The following KSR2 variants were observed in gnomAD, a reference collection of about 807,000 sequenced individuals.
KSR2 encodes kinase suppressor of ras 2.
In KSR2, 25 loss-of-function variants were observed where a neutral mutation model predicts 107.8. The observed-to-expected ratio is 0.23, with a 90% CI of 0.17 to 0.32. The LOEUF is 0.32. Among genes scored for constraint, KSR2 ranks in the 10% least tolerant of loss-of-function variants. The pLI, the probability that KSR2 is intolerant of heterozygous loss-of-function variation, is 1.00. For missense variants in KSR2, 887 were observed against 1,268.9 expected (o/e 0.70, Z 4.57); for synonymous variants, 480 against 507.0 (o/e 0.95, Z 0.71).
intron 14 of KSR2, among the ~76,000 whole-genome samples, chr12:117,520,907 T>A (rs541753380): frequency 6.6e-6 from 1 of 152,210 alleles, no homozygotes; most frequent in South Asian, 2.1e-4. Flanking sequence ...GCTACTGGCA[T>A]CTAGTGAGTA....
At chr12:117,474,144 C>T (rs1451119824) in intron 17 of KSR2, among the ~76,000 whole-genome samples, 1 of 152,104 alleles carries the variant, frequency 6.6e-6, no homozygotes, top group Admixed American at 6.5e-5. Flanking sequence ...CTTTTAAACC[C>T]AACTTTCAAG....
At chr12:117,625,684 C>G (rs1337586086) in intron 5 of KSR2, among the ~76,000 whole-genome samples, 3 of 152,080 alleles carry the variant, frequency 2.0e-5, no homozygotes, top group African/African-American at 7.2e-5. Context: ...TGTGTCTCTG[C>G]CAGGCTTTGG....
chr12:117,454,411 C>T lies in KSR2; in HGVS notation c.*12788G>A, dbSNP rs900387842. On this transcript the variant is annotated 3_prime_UTR_variant, in exon 20 of 20. Coordinates refer to ENST00000339824, the MANE Select transcript of KSR2 (RefSeq NM_173598.6). The stretch of plus-strand genomic sequence containing the variant: ...AAGCCTCGCTAATTTGCAGTAGCCA[C>T]ATATACCCTGGGAGTCTGGCGGTCA... 6 of 152,256 alleles carry T rather than the reference C, an allele frequency of 3.9e-5. No individual in the cohort carries two copies. Among genetic ancestry groups the T allele is most frequent in the African/African-American group, 1.4e-4 (6 of 41,468 alleles). 9.4% of individuals were successfully genotyped at this position (152,256 alleles called of 1,614,324 possible).
intron 4 of KSR2, among the ~76,000 whole-genome samples, chr12:117,739,084 A>G (rs577161890): frequency 1.6e-4 from 24 of 152,064 alleles, no homozygotes; most frequent in East Asian, 3.9e-4. Flanking sequence ...GGACGGGCGC[A>G]GCGGCTCACG....
At chr12:117,921,497 C>T (rs757865921) in intron 1 of KSR2, among the ~76,000 whole-genome samples, 12 of 152,206 alleles carry the variant, frequency 7.9e-5, no homozygotes, top group African/African-American at 1.7e-4. Flanking sequence ...TCACGGTATC[C>T]TCTTGCCTCA....
intron 4 of KSR2, among the ~76,000 whole-genome samples, chr12:117,696,774 G>C (rs1388886795): frequency 6.6e-6 from 1 of 152,084 alleles, no homozygotes; most frequent in South Asian, 2.1e-4. Flanking sequence ...GCCAGGCCCA[G>C]ATAACATCCA....
chr12:117,938,236 A>G (rs893086516), intron 1 of KSR2, among the ~76,000 whole-genome samples: 4 of 152,206 alleles, frequency 2.6e-5, no homozygotes, highest in African/African-American at 9.6e-5. Context: ...TGCAACACAT[A>G]TTTGTACATC....
chr12:117,531,305 G>C (rs761770172), intron 11 of KSR2, among the ~76,000 whole-genome samples: 9 of 152,086 alleles, frequency 5.9e-5, no homozygotes, highest in Non-Finnish European at 1.2e-4. Flanking sequence ...TCTTTCTCCT[G>C]GGTTCCCTTT....
intron 5 of KSR2, among the ~76,000 whole-genome samples, chr12:117,585,055 T>C (rs1291427397): frequency 1.3e-5 from 2 of 152,216 alleles, no homozygotes; most frequent in African/African-American, 4.8e-5. Flanking sequence ...ACTGTGTGTG[T>C]CTGTGTGTGT....
chr12:117,580,418 T>C (rs1254709213), intron 6 of KSR2, among the ~76,000 whole-genome samples: 2 of 152,210 alleles, frequency 1.3e-5, no homozygotes, highest in South Asian at 2.1e-4. Flanking sequence ...ATTTCACTCA[T>C]CAGCCAGCCA....
intron 4 of KSR2, among the ~76,000 whole-genome samples, chr12:117,707,731 C>T (rs564290062): frequency 5.3e-5 from 8 of 152,278 alleles, no homozygotes; most frequent in South Asian, 4.1e-4. Context: ...AATGAGGACA[C>T]GGAGAGTCAT....
chr12:117,557,364 G>T (rs898787749), intron 8 of KSR2, among the ~76,000 whole-genome samples: 1 of 152,092 alleles, frequency 6.6e-6, no homozygotes. Flanking sequence ...CATCTACTTG[G>T]CCCTCATAGG....
intron 4 of KSR2, among the ~76,000 whole-genome samples, chr12:117,734,065 G>A (rs1887837075): frequency 6.6e-6 from 1 of 152,168 alleles, no homozygotes; most frequent in Admixed American, 6.5e-5. Flanking sequence ...CAGATCACTT[G>A]AGGTTAAGAG....
intron 7 of KSR2, among the ~76,000 whole-genome samples, chr12:117,573,553 G>T (rs1236918136): frequency 3.6e-5 from 5 of 137,890 alleles, no homozygotes; most frequent in Non-Finnish European, 4.6e-5. Context: ...TTTGAGATAG[G>T]GTCTCACTCT....
Position 117,777,088 on chromosome 12 carries a change from T to TTATATATATATATATATATA in KSR2, c.473-15584_473-15565dup, listed in dbSNP as rs1288633301. ...AGACACTGTATTTAATATATATATT[T>TTATATATATATATATATATA]TATATATATATATATATATACACAC... On this transcript the variant is annotated intron_variant, in intron 3 of 19. Transcript: ENST00000339824. 1.6e-3 allele frequency among the ~76,000 whole-genome samples: 206 copies of TTATATATATATATATATATA among 132,480 alleles called. 2 individuals carry two copies. Among genetic ancestry groups the TTATATATATATATATATATA allele is most frequent in the African/African-American group, 4.4e-3 (141 of 32,158 alleles). 86.9% of individuals were successfully genotyped at this position (132,480 alleles called of 152,430 possible).
At chr12:117,855,711 C>G in intron 2 of KSR2, 133 bp from the exon 3 acceptor site, 1 of 864,478 alleles carries the variant, frequency 1.2e-6, no homozygotes, top group Admixed American at 2.3e-5. Flanking sequence ...GTCTCCGAAT[C>G]TCGGGTTTGC....
chr12:117,926,171 G>A (rs1036550957), intron 1 of KSR2, among the ~76,000 whole-genome samples: 15 of 152,122 alleles, frequency 9.9e-5, no homozygotes, highest in Non-Finnish European at 1.6e-4. Flanking sequence ...CAATTCCAGC[G>A]TATGTGATAG....
rs111798899 is a variant in KSR2, at chr12:117,590,156, T to C, written c.1172-7797A>G. On this transcript the variant is annotated intron_variant, in intron 5 of 19. Coordinates refer to ENST00000339824, the MANE Select transcript of KSR2 (RefSeq NM_173598.6). The stretch of plus-strand genomic sequence containing the variant: ...GGCAATGGCTAAGCTATTGAGACTA[T>C]GGCCTCAGTTCCTGTCCACTGCAGG... Among the ~76,000 whole-genome samples the C allele has an allele frequency of 7.3e-3, 1,112 of 152,380 alleles. 7 individuals carry two copies. The highest frequency in any genetic ancestry group is 0.012 in the Non-Finnish European group (840 of 68,036).
chr12:117,731,351 G>A (rs1887689712), intron 4 of KSR2, among the ~76,000 whole-genome samples: 1 of 136,854 alleles, frequency 7.3e-6, no homozygotes, highest in Non-Finnish European at 1.6e-5. Context: ...CCCCCGCCCA[G>A]CAGCCGCCCT....
Sources: allele counts gnomAD v4.1 joint callset (sites outside exome capture counted in the v4.1 genomes callset), GRCh38; gene constraint gnomAD v4.1.1; transcripts MANE v1.5; gene names NCBI Gene and HGNC (gene_info 2026-07-23, HGNC 2026-07-21).